Variants in KCNAB1 observed in about 807,000 individuals in gnomAD.
The protein encoded by KCNAB1 is potassium voltage-gated channel subfamily A regulatory beta subunit 1, also known as voltage-gated potassium channel subunit beta-1.
KCNAB1 carries 35 observed loss-of-function variants against 64.6 expected under a neutral mutation model. That is an observed-to-expected ratio of 0.54 (90% CI 0.41 to 0.72). The LOEUF is 0.72. Among genes scored for constraint, KCNAB1 ranks in the 30% least tolerant of loss-of-function variants. The pLI is 0.00. For synonymous variants in KCNAB1, 177 were observed against 183.8 expected (o/e 0.96, Z 0.30); for missense variants, 401 against 512.9 (o/e 0.78, Z 2.11).
intron 1 of KCNAB1, among the ~76,000 whole-genome samples, chr3:156,290,529 A>G (rs1391705690): frequency 6.6e-6 from 1 of 152,114 alleles, no homozygotes; most frequent in Non-Finnish European, 1.5e-5. Context: ...TTATTGAGCA[A>G]TTGCTTTGCA....
intron 2 of KCNAB1, among the ~76,000 whole-genome samples, chr3:156,429,866 CG>C (rs1559880422): frequency 6.6e-6 from 1 of 152,126 alleles, no homozygotes; most frequent in African/African-American, 2.4e-5. Context: ...AGTGAACTAT[CG>C]TAACTCCGAA....
At chr3:156,132,243 A>G (rs1331231523) in intron 1 of KCNAB1, among the ~76,000 whole-genome samples, 2 of 152,182 alleles carry the variant, frequency 1.3e-5, no homozygotes, top group African/African-American at 4.8e-5. Context: ...CCTGAGCCAC[A>G]TGGTGGGTCA....
chr3:156,118,411 C>A, upstream of KCNAB1: 2 of 426,090 alleles, frequency 4.7e-6, no homozygotes, highest in Non-Finnish European at 9.4e-6. Flanking sequence ...TCTGACTTAA[C>A]TGTGAATGTT....
chr3:156,413,102 T>C lies in KCNAB1; in HGVS notation c.276-8514T>C, dbSNP rs78038952. Reference sequence around the variant, plus strand: ...CCCCAAACTCTAAGGTTGCAAACACTTGGGACCTGGGACTTGGCCCTTCCA... The same window carrying C: ...CCCCAAACTCTAAGGTTGCAAACACCTGGGACCTGGGACTTGGCCCTTCCA... On this transcript the variant is annotated intron_variant, in intron 1 of 13. Coordinates refer to ENST00000490337, the MANE Select transcript of KCNAB1 (RefSeq NM_172160.3). Among the ~76,000 whole-genome samples, 21 of 152,274 alleles carry C rather than the reference T, an allele frequency of 1.4e-4. No homozygotes were observed. In the East Asian group the frequency reaches 4.1e-3, roughly 29 times the overall value.
intron 1 of KCNAB1, among the ~76,000 whole-genome samples, chr3:156,331,458 C>T (rs894244912): frequency 6.6e-6 from 1 of 151,996 alleles, no homozygotes; most frequent in Admixed American, 6.6e-5. Flanking sequence ...ACAAAGGAGT[C>T]GTTTTTTAAA....
At chr3:156,519,390 G>T (rs1452823069) in intron 11 of KCNAB1, among the ~76,000 whole-genome samples, 1 of 152,034 alleles carries the variant, frequency 6.6e-6, no homozygotes, top group African/African-American at 2.4e-5. Context: ...CCATGCAAAT[G>T]CACTGTACTC....
At chr3:156,258,484 G>A (rs1718234605) in intron 1 of KCNAB1, among the ~76,000 whole-genome samples, 1 of 152,150 alleles carries the variant, frequency 6.6e-6, no homozygotes, top group Non-Finnish European at 1.5e-5. Flanking sequence ...TGCCTGATAT[G>A]CTGTTGAACA....
intron 1 of KCNAB1, among the ~76,000 whole-genome samples, chr3:156,182,628 T>TCC (rs1553815355): frequency 0.02 from 2,850 of 143,554 alleles, 33 homozygotes; most frequent in Middle Eastern, 0.036. Context: ...TGGTTTTTTT[T>TCC]TCCCCCCCCC....
chr3:156,333,500 G>T (rs1387367688), intron 1 of KCNAB1, among the ~76,000 whole-genome samples: 1 of 151,952 alleles, frequency 6.6e-6, no homozygotes, highest in Non-Finnish European at 1.5e-5. Flanking sequence ...TATTCTTTGT[G>T]TAGCTATATT....
chr3:156,376,194 A>G (rs1198928315), intron 1 of KCNAB1, among the ~76,000 whole-genome samples: 1 of 152,254 alleles, frequency 6.6e-6, no homozygotes, highest in East Asian at 1.9e-4. Flanking sequence ...CGATGTCCCC[A>G]TAACCTGGTC....
intron 8 of KCNAB1, among the ~76,000 whole-genome samples, chr3:156,481,804 AG>A (rs1714828021): frequency 1.3e-5 from 2 of 152,154 alleles, no homozygotes. Flanking sequence ...ATCCTCACAG[AG>A]GCTCACTTTC....
chr3:156,514,012 C>A (rs9942113), intron 8 of KCNAB1, among the ~76,000 whole-genome samples: 64,590 of 151,974 alleles, frequency 0.43, 14,295 homozygotes, highest in African/African-American at 0.54. Context: ...TCACTTTAGT[C>A]GGGAAGGTAC....
chr3:156,343,490 C>T (rs1724275400), intron 1 of KCNAB1, among the ~76,000 whole-genome samples: 1 of 152,208 alleles, frequency 6.6e-6, no homozygotes, highest in African/African-American at 2.4e-5. Flanking sequence ...GGGATTGCTC[C>T]TCTGGCTATA....
chr3:156,270,058 G>A (rs1308578198), intron 1 of KCNAB1, among the ~76,000 whole-genome samples: 3 of 151,882 alleles, frequency 2.0e-5, no homozygotes, highest in East Asian at 3.9e-4. Context: ...TGGGACTACA[G>A]GTGCCTGCCA....
intron 1 of KCNAB1, among the ~76,000 whole-genome samples, chr3:156,127,008 C>T (rs1043124063): frequency 9.9e-5 from 15 of 152,196 alleles, no homozygotes; most frequent in Non-Finnish European, 1.9e-4. Flanking sequence ...TGTACTCACA[C>T]TGATACTGTA....
chr3:156,512,577 A>T (rs1413533318), intron 8 of KCNAB1, among the ~76,000 whole-genome samples: 1 of 152,208 alleles, frequency 6.6e-6, no homozygotes, highest in African/African-American at 2.4e-5. Context: ...AGGGAAAGGG[A>T]GCTGGTGCAG....
At chr3:156,459,602 C>A (rs1048683721) in intron 4 of KCNAB1, among the ~76,000 whole-genome samples, 1 of 152,000 alleles carries the variant, frequency 6.6e-6, no homozygotes, top group Non-Finnish European at 1.5e-5. Flanking sequence ...AGGCGGTCTC[C>A]TGCCAGCGTG....
chr3:156,284,812 A>C (rs951484596), intron 1 of KCNAB1, among the ~76,000 whole-genome samples: 1 of 151,944 alleles, frequency 6.6e-6, no homozygotes. Context: ...GCAATGCCTC[A>C]CCCTGCTTCG....
intron 2 of KCNAB1, among the ~76,000 whole-genome samples, chr3:156,443,771 C>G (rs978766106): frequency 6.8e-6 from 1 of 147,294 alleles, no homozygotes; most frequent in Non-Finnish European, 1.5e-5. Context: ...CACACACACA[C>G]ACACACACAC....
Sources: allele counts gnomAD v4.1 joint callset (sites outside exome capture counted in the v4.1 genomes callset), GRCh38; gene constraint gnomAD v4.1.1; transcripts MANE v1.5; gene names NCBI Gene and HGNC (gene_info 2026-07-23, HGNC 2026-07-21).